RIMBP2: variants seen among roughly 807,000 people sequenced by gnomAD.
RIMBP2 encodes the protein RIMS-binding protein 2.
In RIMBP2, 48 loss-of-function variants were observed where a neutral mutation model predicts 118.6. The observed-to-expected ratio is 0.40, with a 90% CI of 0.32 to 0.51. The LOEUF (loss-of-function observed/expected upper bound fraction) is 0.51, where lower values mean the gene tolerates loss of function less well. Among genes scored for constraint, RIMBP2 ranks in the 20% least tolerant of loss-of-function variants. The probability of loss-of-function intolerance (pLI) is 0.41; values close to 1 mark genes in which losing one functional copy is unlikely to be tolerated. For missense variants in RIMBP2, 1,551 were observed against 1,768.3 expected, an observed-to-expected ratio of 0.88 and a Z score of 2.20; for synonymous variants, 762 against 742.9, an observed-to-expected ratio of 1.03 and a Z score of -0.42.
At chr12:130,417,820 TTAGA>T (rs2076187415) in intron 17 of RIMBP2, among the ~76,000 whole-genome samples, 1 of 152,084 alleles carries the variant, frequency 6.6e-6, no homozygotes, top group Non-Finnish European at 1.5e-5. Flanking sequence ...CTAAACATCA[TTAGA>T]TAGATGTGTA....
intron 1 of RIMBP2, among the ~76,000 whole-genome samples, chr12:130,708,599 A>T (rs891368178): frequency 1.3e-5 from 2 of 152,046 alleles, no homozygotes; most frequent in Admixed American, 1.3e-4. Context: ...AGGTGGGAGG[A>T]TCACCTCAGC....
At chr12:130,514,651 C>T (rs976346377) in intron 3 of RIMBP2, among the ~76,000 whole-genome samples, 1 of 152,192 alleles carries the variant, frequency 6.6e-6, no homozygotes, top group African/African-American at 2.4e-5. Context: ...CCCCACCAGC[C>T]CTGTCGTCAG....
chr12:130,452,218 C>G (rs941939444), intron 7 of RIMBP2, among the ~76,000 whole-genome samples: 1 of 152,142 alleles, frequency 6.6e-6, no homozygotes, highest in African/African-American at 2.4e-5. Context: ...CACATCATGA[C>G]AGTCACCTCA....
intron 2 of RIMBP2, among the ~76,000 whole-genome samples, chr12:130,604,876 C>T (rs2060095057): frequency 6.6e-6 from 1 of 151,382 alleles, no homozygotes; most frequent in Non-Finnish European, 1.5e-5. Flanking sequence ...GCCACCGCGC[C>T]CGGCCTCTTT....
intron 16 of RIMBP2, among the ~76,000 whole-genome samples, chr12:130,423,463 A>G (rs986693496): frequency 2.6e-5 from 4 of 152,242 alleles, no homozygotes; most frequent in African/African-American, 9.6e-5. Flanking sequence ...TCAGCATGAC[A>G]GGAGCAAATG....
intron 2 of RIMBP2, among the ~76,000 whole-genome samples, chr12:130,575,949 C>T (rs529375111): frequency 2.6e-5 from 4 of 152,328 alleles, no homozygotes; most frequent in African/African-American, 9.6e-5. Flanking sequence ...GTTAACAGGA[C>T]ACCCCCGGAT....
In RIMBP2 at chr12:130,562,313, C is replaced by A. The variant is rs372355855; in HGVS notation, c.-216-44396G>T. On this transcript the variant is annotated intron_variant, in intron 2 of 22. Coordinates refer to ENST00000690449, the MANE Select transcript of RIMBP2 (RefSeq NM_001393629.1). ...TTTTATCTGCTAGAAATAGAAAAAG[C>A]AATTTAAGCTAGCTTAATTGAAATG... Among the ~76,000 whole-genome samples the A allele has an allele frequency of 5.9e-5, 9 of 152,306 alleles. No homozygotes were observed. In the South Asian group the frequency reaches 1.9e-3, roughly 32 times the overall value.
intron 4 of RIMBP2, 64 bp from the exon 5 acceptor site, chr12:130,479,080 A>C: frequency 1.5e-6 from 2 of 1,322,672 alleles, no homozygotes. Flanking sequence ...TGCATCCTAT[A>C]CCCTGCACCA....
chr12:130,532,105 G>A (rs966440291), intron 2 of RIMBP2, among the ~76,000 whole-genome samples: 1 of 148,616 alleles, frequency 6.7e-6, no homozygotes, highest in Non-Finnish European at 1.5e-5. Context: ...TAGGAGGGAC[G>A]TCTAATGAGA....
intron 2 of RIMBP2, among the ~76,000 whole-genome samples, chr12:130,585,806 C>T (rs372115653): frequency 2.0e-5 from 3 of 152,136 alleles, no homozygotes; most frequent in African/African-American, 7.2e-5. Context: ...TCCCCGCTGC[C>T]CTGGACTCTG....
At chr12:130,644,181 G>A (rs1171945869) in intron 1 of RIMBP2, among the ~76,000 whole-genome samples, 1 of 152,188 alleles carries the variant, frequency 6.6e-6, no homozygotes, top group Non-Finnish European at 1.5e-5. Context: ...ACGAAGGAAA[G>A]GAAGTGGAGA....
chr12:130,608,327 G>A (rs952889233), intron 2 of RIMBP2, among the ~76,000 whole-genome samples: 7 of 152,358 alleles, frequency 4.6e-5, no homozygotes, highest in Admixed American at 1.3e-4. Context: ...ACAGGGGGTC[G>A]CAGACAGCAT....
At chr12:130,692,850 A>ATGGGATAGGG (rs2065379253) in intron 1 of RIMBP2, among the ~76,000 whole-genome samples, 1 of 80,890 alleles carries the variant, frequency 1.2e-5, no homozygotes, top group Non-Finnish European at 2.4e-5. Flanking sequence ...ATGGGATGGG[A>ATGGGATAGGG]TAGGGTAGGG....
chr12:130,681,651 A>C (rs963098968), intron 1 of RIMBP2, among the ~76,000 whole-genome samples: 3 of 152,040 alleles, frequency 2.0e-5, no homozygotes, highest in Non-Finnish European at 4.4e-5. Flanking sequence ...AGATGCGATA[A>C]CTCTTTATCC....
At chr12:130,476,224 C>A (rs2081412668) in intron 5 of RIMBP2, among the ~76,000 whole-genome samples, 1 of 152,320 alleles carries the variant, frequency 6.6e-6, no homozygotes, top group South Asian at 2.1e-4. Flanking sequence ...TAAGCTCATG[C>A]ATGGGTGACA....
intron 1 of RIMBP2, among the ~76,000 whole-genome samples, chr12:130,708,094 T>G (rs1949631177): frequency 6.6e-6 from 1 of 152,030 alleles, no homozygotes; most frequent in Non-Finnish European, 1.5e-5. Context: ...ACAACACGGG[T>G]GAACCTTGAG....
rs768352245 is a variant in RIMBP2, at chr12:130,442,226, T to C, written c.1126A>G (p.Met376Val). The change falls in exon 11 of 23, where the codon ATG becomes GTG. Residue 376 changes from methionine (M) to valine (V), a missense_variant. Met to Val is a conservative substitution (Grantham distance 21). Coordinates refer to ENST00000690449, the MANE Select transcript of RIMBP2 (RefSeq NM_001393629.1). This position sits in a 1 kb window ranked among gnomAD's most constrained non-coding sequence, Gnocchi z 6.9. ...GAGATGCGGTAGGTGCAGGCTGCCA[T>C]GTTGAGCTTCTCGATGAGGGCTTTA... ...RTKALIEKLNMAACTYRISVQ... is the reference protein window; with the variant it reads ...RTKALIEKLNVAACTYRISVQ... The C allele has an allele frequency of 3.7e-6, 6 of 1,614,176 alleles. No homozygotes were observed. The highest frequency in any genetic ancestry group is 1.1e-5 in the South Asian group (1 of 91,076).
intron 2 of RIMBP2, among the ~76,000 whole-genome samples, chr12:130,518,129 C>T (rs183608446): frequency 5.3e-5 from 8 of 152,206 alleles, no homozygotes; most frequent in East Asian, 1.9e-4. Flanking sequence ...TTATATTATA[C>T]GATGATTAGA....
At chr12:130,678,504 T>C (rs2064610186) in intron 1 of RIMBP2, among the ~76,000 whole-genome samples, 1 of 152,164 alleles carries the variant, frequency 6.6e-6, no homozygotes, top group South Asian at 2.1e-4. Flanking sequence ...GAAGGCCACA[T>C]GCTGCAGGAT....
Sources: gnomAD v4.1 joint callset for allele counts (sites outside exome capture counted in the v4.1 genomes callset) on GRCh38, gnomAD v4.1.1 for gene constraint, Gnocchi (gnomAD v3.1) non-coding constraint, MANE v1.5 for transcripts, NCBI Gene and HGNC (gene_info 2026-07-23, HGNC 2026-07-21) for gene names.